Variants in IGSF21 observed in about 807,000 individuals in gnomAD.
IGSF21 encodes the protein immunoglobulin superfamily member 21.
In IGSF21, 28 loss-of-function variants were observed where a neutral mutation model predicts 46.8. The ratio of observed to expected loss-of-function variants is 0.60; its 90% CI spans 0.44 to 0.82. The LOEUF is 0.82. Ranked by LOEUF, IGSF21 falls within the 40% of genes least tolerant of loss-of-function variation. The probability of loss-of-function intolerance (pLI) is 0.00; values close to 1 mark genes in which losing one functional copy is unlikely to be tolerated. For missense variants in IGSF21, 624 were observed against 665.5 expected, an observed-to-expected ratio of 0.94 and a Z score of 0.69; for synonymous variants, 284 against 273.6, an observed-to-expected ratio of 1.04 and a Z score of -0.38.
intron 1 of IGSF21, among the ~76,000 whole-genome samples, chr1:18,163,213 A>G (rs1173917800): frequency 6.6e-6 from 1 of 151,606 alleles, no homozygotes; most frequent in Non-Finnish European, 1.5e-5. Context: ...CATGATATTT[A>G]CCTTCTGGAA....
intron 2 of IGSF21, among the ~76,000 whole-genome samples, chr1:18,238,320 G>A (rs1162681868): frequency 6.6e-6 from 1 of 152,194 alleles, no homozygotes; most frequent in Non-Finnish European, 1.5e-5. Context: ...GGTGAGAGGT[G>A]AGGCAGTCAA....
chr1:18,378,190 G>A (rs2124642505), intron 9 of IGSF21, 66 bp from the exon 10 acceptor site: 1 of 1,334,600 alleles, frequency 7.5e-7, no homozygotes, highest in Non-Finnish European at 1.1e-6. Context: ...GGGACCTGGA[G>A]GCTCTGCTGT....
chr1:18,155,415 A>G (rs1203804725), intron 1 of IGSF21, among the ~76,000 whole-genome samples: 3 of 152,178 alleles, frequency 2.0e-5, no homozygotes, highest in Non-Finnish European at 4.4e-5. Flanking sequence ...TAGGGTTGCT[A>G]TAGGAATAAC....
intron 6 of IGSF21, among the ~76,000 whole-genome samples, chr1:18,366,162 T>C (rs1249418697): frequency 6.6e-6 from 1 of 152,038 alleles, no homozygotes; most frequent in Non-Finnish European, 1.5e-5. Flanking sequence ...TCAGGGAGTT[T>C]GTACAGTCCA....
Position 18,219,764 on chromosome 1 carries a change from ACTGC to A in IGSF21, c.71-8131_71-8128del, listed in dbSNP as rs552831658. Among the ~76,000 whole-genome samples, 8 of 152,224 alleles carry A rather than the reference ACTGC, an allele frequency of 5.3e-5. No homozygotes were observed. In the South Asian group the frequency reaches 1.7e-3, roughly 32 times the overall value. On this transcript the variant is annotated intron_variant, in intron 1 of 9. Coordinates refer to ENST00000251296, the MANE Select transcript of IGSF21 (RefSeq NM_032880.5). ...CAAGAGGTGCATCAGGCAGTGATGGACTGCCTTACAGCAGGGTTCCCTACCCAGG... is the reference window on the plus strand; with the variant it reads ...CAAGAGGTGCATCAGGCAGTGATGGACTTACAGCAGGGTTCCCTACCCAGG...
chr1:18,238,289 A>C lies in IGSF21; in HGVS notation c.183+10279A>C, dbSNP rs115465365. Among the ~76,000 whole-genome samples, 4 of 152,292 alleles carry C rather than the reference A, an allele frequency of 2.6e-5. No individual in the cohort carries two copies. The South Asian group carries it at 8.3e-4, about 32-fold the overall frequency. Reference sequence around the variant, plus strand: ...CCCATGAGTGGTCCACGAGCTTCCAAGGAGTGCAGTGGGGAATGGGGGTGA... The same window carrying C: ...CCCATGAGTGGTCCACGAGCTTCCACGGAGTGCAGTGGGGAATGGGGGTGA... On this transcript the variant is annotated intron_variant, in intron 2 of 9. Transcript: ENST00000251296.
intron 3 of IGSF21, among the ~76,000 whole-genome samples, chr1:18,305,036 G>A (rs1041654811): frequency 2.6e-5 from 4 of 152,210 alleles, no homozygotes; most frequent in Non-Finnish European, 5.9e-5. Flanking sequence ...GTTTCAGGGA[G>A]TGAGGGTTAG....
intron 9 of IGSF21, 51 bp from the exon 10 acceptor site, chr1:18,378,197 CTGTTCTGG>C: frequency 7.1e-7 from 1 of 1,414,058 alleles, no homozygotes; most frequent in Non-Finnish European, 1.0e-6. Context: ...GGAGGCTCTG[CTGTTCTGG>C]AACGGGGTTG....
intron 2 of IGSF21, among the ~76,000 whole-genome samples, chr1:18,248,993 G>A (rs1304491515): frequency 6.6e-6 from 1 of 152,098 alleles, no homozygotes; most frequent in African/African-American, 2.4e-5. Context: ...AACCTAGCTG[G>A]GAGCCTGCGC....
chr1:18,370,781 T>A (rs1459596633), intron 6 of IGSF21, among the ~76,000 whole-genome samples: 3 of 152,130 alleles, frequency 2.0e-5, no homozygotes, highest in African/African-American at 4.8e-5. Context: ...CCCAATTTTT[T>A]AAAAAAGAAA....
Position 18,351,115 on chromosome 1 carries a change from G to A in IGSF21, c.425-11000G>A, listed in dbSNP as rs543829142. Among the ~76,000 whole-genome samples, 9 of 152,194 alleles carry A rather than the reference G, an allele frequency of 5.9e-5. No homozygotes were observed. In the South Asian group the frequency reaches 8.3e-4, roughly 14 times the overall value. ...GGGAGGGGGAAATGACGGCCATGTC[G>A]CAGAGAAAGTCCACGGCAACGCTGA... On this transcript the variant is annotated intron_variant, in intron 4 of 9. Transcript: ENST00000251296.
chr1:18,265,506 A>G (rs1323784182), intron 2 of IGSF21, among the ~76,000 whole-genome samples: 1 of 152,190 alleles, frequency 6.6e-6, no homozygotes, highest in East Asian at 1.9e-4. Context: ...TTGCCCCTGT[A>G]CATAAATCCA....
intron 4 of IGSF21, among the ~76,000 whole-genome samples, chr1:18,354,409 GA>G (rs375283226): frequency 6.2e-5 from 9 of 144,408 alleles, no homozygotes; most frequent in Middle Eastern, 3.5e-3. Flanking sequence ...GGAACCAAAA[GA>G]AAAAAAAAAG....
chr1:18,341,488 G>A (rs1363770950), intron 4 of IGSF21, among the ~76,000 whole-genome samples: 1 of 152,186 alleles, frequency 6.6e-6, no homozygotes, highest in Admixed American at 6.5e-5. Context: ...GTCTGACTCT[G>A]AAGCTGACAC....
At chr1:18,288,559 G>A (rs1268369079) in intron 2 of IGSF21, among the ~76,000 whole-genome samples, 2 of 152,200 alleles carry the variant, frequency 1.3e-5, no homozygotes, top group Admixed American at 6.5e-5. Context: ...TAAAGGCGAG[G>A]TGTCTTCCAG....
At chr1:18,140,727 A>T (rs1472506919) in intron 1 of IGSF21, among the ~76,000 whole-genome samples, 2 of 152,152 alleles carry the variant, frequency 1.3e-5, no homozygotes, top group African/African-American at 2.4e-5. Flanking sequence ...GTCTTCCCTG[A>T]CTACGCCCTG....
intron 1 of IGSF21, among the ~76,000 whole-genome samples, chr1:18,146,982 G>T (rs2086476079): frequency 6.6e-6 from 1 of 152,184 alleles, no homozygotes; most frequent in African/African-American, 2.4e-5. Context: ...GTCTGCCCTT[G>T]CTCTCTACGC....
intron 1 of IGSF21, among the ~76,000 whole-genome samples, chr1:18,200,277 G>T (rs1268214503): frequency 6.6e-6 from 1 of 152,204 alleles, no homozygotes; most frequent in Non-Finnish European, 1.5e-5. Context: ...CTAGGGAAAT[G>T]CCTGGGGCTT....
chr1:18,185,590 C>G (rs1462457359), intron 1 of IGSF21, among the ~76,000 whole-genome samples: 1 of 152,118 alleles, frequency 6.6e-6, no homozygotes, highest in Non-Finnish European at 1.5e-5. Context: ...TTTCTTCTTC[C>G]TAATTGTGAG....
Sources: allele counts gnomAD v4.1 joint callset (sites outside exome capture counted in the v4.1 genomes callset), GRCh38; gene constraint gnomAD v4.1.1; transcripts MANE v1.5; gene names NCBI Gene and HGNC (gene_info 2026-07-23, HGNC 2026-07-21).